Variants in SOX5 observed in about 807,000 individuals in gnomAD.
SOX5 encodes the protein SRY-box transcription factor 5.
A neutral mutation model predicts 92.0 loss-of-function variants in SOX5; 9 were observed. The observed-to-expected ratio is 0.10, with a 90% CI of 0.06 to 0.17. The LOEUF is 0.17. SOX5 is among the 10% of genes least tolerant of loss of function. SOX5 has a pLI of 1.00. For missense variants in SOX5, 642 were observed against 944.5 expected, an observed-to-expected ratio of 0.68 and a Z score of 4.20; for synonymous variants, 344 against 336.3, an observed-to-expected ratio of 1.02 and a Z score of -0.25.
At position 23,533,353 on chromosome 12, in the gene SOX5, A is replaced by G; in HGVS notation, c.*866T>C. 1 of 244,780 alleles carries G rather than the reference A, an allele frequency of 4.1e-6. No individual in the cohort carries two copies. Among genetic ancestry groups the G allele is most frequent in the Non-Finnish European group, 8.6e-6 (1 of 116,530 alleles). 15.2% of individuals were successfully genotyped at this position (244,780 alleles called of 1,614,324 possible). A position where few individuals can be genotyped will look rare whatever the true frequency, so the allele number is the denominator to read the frequency against. ...CCTGAGAACAGCACCTACAGTTTCC[A>G]TTAAAAAAAAAAGTCAAATCTCACC... On this transcript the variant is annotated 3_prime_UTR_variant, in exon 15 of 15. Transcript: ENST00000451604.
At chr12:24,548,448 C>A (rs921049817) in intron 1 of SOX5, among the ~76,000 whole-genome samples, 2 of 152,058 alleles carry the variant, frequency 1.3e-5, no homozygotes, top group Admixed American at 6.5e-5. Context: ...GAGGGAGAAG[C>A]GTTGTACAAA....
At chr12:23,734,646 T>A (rs2093519350) in intron 6 of SOX5, 38 bp downstream of exon 6, 2 of 1,439,560 alleles carry the variant, frequency 1.4e-6, no homozygotes, top group South Asian at 2.4e-5. Flanking sequence ...AATATATATT[T>A]TTTAAATTGT....
intron 3 of SOX5, among the ~76,000 whole-genome samples, chr12:23,783,067 C>G (rs2095313439): frequency 6.6e-6 from 1 of 152,130 alleles, no homozygotes; most frequent in Non-Finnish European, 1.5e-5. Flanking sequence ...TCTAAATTAG[C>G]TCATCATAGT....
chr12:24,459,239 G>T (rs928173571), intron 1 of SOX5, among the ~76,000 whole-genome samples: 1 of 152,118 alleles, frequency 6.6e-6, no homozygotes, highest in African/African-American at 2.4e-5. Context: ...GAATTTGCAG[G>T]TTTCTTGCGC....
At chr12:23,605,492 T>TAC (rs112964619) in intron 8 of SOX5, among the ~76,000 whole-genome samples, 1,772 of 149,264 alleles carry the variant, frequency 0.012, 34 homozygotes, top group African/African-American at 0.038. Flanking sequence ...AAATAAATTT[T>TAC]ACACACACAC....
chr12:24,141,391 C>T (rs35682717), intron 4 of SOX5, among the ~76,000 whole-genome samples: 4,860 of 152,164 alleles, frequency 0.032, 91 homozygotes, highest in Middle Eastern at 0.068. Flanking sequence ...GATATATTGA[C>T]AGGAAGTTAG....
chr12:23,895,521 T>C (rs551035025), intron 2 of SOX5, among the ~76,000 whole-genome samples: 3 of 152,206 alleles, frequency 2.0e-5, no homozygotes, highest in Non-Finnish European at 4.4e-5. Flanking sequence ...TACTTTAACA[T>C]TATTTTTATA....
chr12:23,933,054 G>A (rs771480520), intron 1 of SOX5, among the ~76,000 whole-genome samples: 1 of 151,678 alleles, frequency 6.6e-6, no homozygotes, highest in Non-Finnish European at 1.5e-5. Context: ...TGTCCTGCCA[G>A]ATGACTTGTA....
intron 8 of SOX5, among the ~76,000 whole-genome samples, chr12:23,605,230 A>G (rs2075096304): frequency 6.6e-6 from 1 of 152,136 alleles, no homozygotes; most frequent in Non-Finnish European, 1.5e-5. Context: ...TTCTTATTAA[A>G]TAAGCAATAA....
At chr12:23,648,300 G>A (rs2081129249) in intron 7 of SOX5, among the ~76,000 whole-genome samples, 1 of 152,126 alleles carries the variant, frequency 6.6e-6, no homozygotes, top group Admixed American at 6.6e-5. Context: ...TGCAATCTGC[G>A]TGAAACACAC....
chr12:23,992,351 C>T (rs1344316119), intron 4 of SOX5, among the ~76,000 whole-genome samples: 1 of 152,112 alleles, frequency 6.6e-6, no homozygotes, highest in Non-Finnish European at 1.5e-5. Flanking sequence ...GATTGCTTCC[C>T]TAATCAGTTT....
chr12:24,398,884 T>A (rs2136601508), intron 1 of SOX5, among the ~76,000 whole-genome samples: 1 of 150,684 alleles, frequency 6.6e-6, no homozygotes, highest in South Asian at 2.1e-4. Flanking sequence ...ACACGTGCAC[T>A]GGGTATTACC....
chr12:23,584,357 C>T (rs1950428191), intron 9 of SOX5, among the ~76,000 whole-genome samples: 1 of 152,124 alleles, frequency 6.6e-6, no homozygotes, highest in African/African-American at 2.4e-5. Flanking sequence ...AAAAATATAT[C>T]TATGGCTCTC....
At chr12:24,112,224 C>T (rs754006751) in intron 4 of SOX5, among the ~76,000 whole-genome samples, 27 of 152,178 alleles carry the variant, frequency 1.8e-4, no homozygotes, top group Non-Finnish European at 3.2e-4. Context: ...ATCTCAAAGA[C>T]CAGGGTTTGG....
Position 23,541,002 on chromosome 12 carries a change from C to T in SOX5, c.1771+2209G>A, listed in dbSNP as rs1333024756. Among the ~76,000 whole-genome samples, 5 of 152,202 alleles carry T rather than the reference C, an allele frequency of 3.3e-5. No individual in the cohort carries two copies. In the East Asian group the frequency reaches 9.7e-4, roughly 29 times the overall value. On this transcript the variant is annotated intron_variant, in intron 13 of 14. Transcript: ENST00000451604. ...TAAAGCTGTGACTAAATATTGAGCC[C>T]AAAATACCTCAATGTTTTATTTGTT... is the stretch of plus-strand genomic sequence containing the variant.
chr12:23,871,157 T>C (rs1466332229), intron 2 of SOX5, among the ~76,000 whole-genome samples: 1 of 152,186 alleles, frequency 6.6e-6, no homozygotes, highest in African/African-American at 2.4e-5. Flanking sequence ...AGCTCACATA[T>C]TAAACTAAAA....
At chr12:24,407,261 G>A (rs1275417107) in intron 1 of SOX5, among the ~76,000 whole-genome samples, 1 of 152,142 alleles carries the variant, frequency 6.6e-6, no homozygotes, top group Non-Finnish European at 1.5e-5. Flanking sequence ...CACAAGTACT[G>A]ACAAGAGATG....
At chr12:24,365,997 A>G (rs537117605) in intron 2 of SOX5, among the ~76,000 whole-genome samples, 2 of 152,108 alleles carry the variant, frequency 1.3e-5, no homozygotes, top group Non-Finnish European at 2.9e-5. Context: ...TTGCCTCTTT[A>G]TTCAGGAAAT....
At chr12:24,341,737 G>T (rs775688723) in intron 2 of SOX5, among the ~76,000 whole-genome samples, 10 of 152,140 alleles carry the variant, frequency 6.6e-5, no homozygotes, top group Non-Finnish European at 1.5e-4. Flanking sequence ...GAGAGAGAAG[G>T]CTTCTCTGTC....
Sources: allele counts gnomAD v4.1 joint callset (sites outside exome capture counted in the v4.1 genomes callset), GRCh38; gene constraint gnomAD v4.1.1; transcripts MANE v1.5; gene names NCBI Gene and HGNC (gene_info 2026-07-23, HGNC 2026-07-21).